Variants in NFKB1 observed in about 807,000 individuals in gnomAD.
The protein encoded by NFKB1 is nuclear factor kappa B subunit 1.
NFKB1 carries 9 observed loss-of-function variants against 105.1 expected under a neutral mutation model. That is an observed-to-expected ratio of 0.09 (90% CI 0.05 to 0.15). NFKB1 has a LOEUF of 0.15. NFKB1 is among the 10% of genes least tolerant of loss of function. The pLI, the probability that NFKB1 is intolerant of heterozygous loss-of-function variation, is 1.00. For synonymous variants in NFKB1, 440 were observed against 442.2 expected (o/e 1.00, Z 0.06); for missense variants, 830 against 1,203.7 (o/e 0.69, Z 4.59).
At chr4:102,598,421 A>G (rs1726828917) in intron 15 of NFKB1, among the ~76,000 whole-genome samples, 1 of 152,218 alleles carries the variant, frequency 6.6e-6, no homozygotes, top group African/African-American at 2.4e-5. Flanking sequence ...CAACATAGAG[A>G]AATCCTTTTC....
At chr4:102,585,737 G>A (rs535757502) in intron 11 of NFKB1, among the ~76,000 whole-genome samples, 2 of 152,166 alleles carry the variant, frequency 1.3e-5, no homozygotes, top group Non-Finnish European at 2.9e-5. Context: ...TTCTAAAGCA[G>A]CCTCCAAAAA....
intron 6 of NFKB1, among the ~76,000 whole-genome samples, chr4:102,571,509 T>G (rs1724354088): frequency 6.6e-6 from 1 of 152,082 alleles, no homozygotes; most frequent in Non-Finnish European, 1.5e-5. Flanking sequence ...AAAGAGCTTC[T>G]CCGCAGCAAA....
intron 5 of NFKB1, among the ~76,000 whole-genome samples, chr4:102,563,170 A>G (rs911958898): frequency 3.9e-5 from 6 of 152,194 alleles, no homozygotes; most frequent in African/African-American, 1.4e-4. Flanking sequence ...TCTGAGACCC[A>G]TGGTTTCTAC....
intron 5 of NFKB1, among the ~76,000 whole-genome samples, chr4:102,539,632 A>G (rs1051591485): frequency 3.9e-5 from 6 of 152,174 alleles, no homozygotes; most frequent in Non-Finnish European, 7.4e-5. Flanking sequence ...TGCACTTATT[A>G]AACACCAAAG....
chr4:102,557,161 C>G (rs1459733828), intron 5 of NFKB1: 1 of 152,124 alleles, frequency 6.6e-6, no homozygotes, highest in Non-Finnish European at 1.5e-5. Flanking sequence ...CTTCTACCTT[C>G]TCATTAAAGT....
chr4:102,584,600 G>T, intron 10 of NFKB1, 82 bp from the exon 11 acceptor site: 1 of 1,344,388 alleles, frequency 7.4e-7, no homozygotes, highest in South Asian at 1.7e-5. Flanking sequence ...AAAGCATAAG[G>T]AATGTGTTTA....
chr4:102,607,029 C>A, intron 17 of NFKB1, 121 bp from the exon 18 acceptor site: 1 of 968,988 alleles, frequency 1.0e-6, no homozygotes. Flanking sequence ...GAACAATAGA[C>A]TTATAGTATC....
chr4:102,607,102 G>A (rs762564394), intron 17 of NFKB1, 48 bp from the exon 18 acceptor site: 1 of 1,592,338 alleles, frequency 6.3e-7, no homozygotes, highest in East Asian at 2.2e-5. Flanking sequence ...GGGCCATCTT[G>A]TGAGTTAGCC....
chr4:102,538,284 T>C (rs976733955), intron 5 of NFKB1, among the ~76,000 whole-genome samples: 1 of 152,196 alleles, frequency 6.6e-6, no homozygotes, highest in African/African-American at 2.4e-5. Flanking sequence ...TTTGACTCTT[T>C]GGAGATTTAG....
intron 21 of NFKB1, 116 bp downstream of exon 21, chr4:102,612,226 A>G: frequency 9.6e-7 from 1 of 1,042,530 alleles, no homozygotes. Context: ...TCAGAACCAA[A>G]AGATGCTGGA....
intron 16 of NFKB1, among the ~76,000 whole-genome samples, chr4:102,605,943 A>G (rs1416113471): frequency 6.6e-6 from 1 of 152,218 alleles, no homozygotes; most frequent in Non-Finnish European, 1.5e-5. Flanking sequence ...AAATTTCTTC[A>G]GTGAAAACAT....
Position 102,616,554 on chromosome 4 carries a change from A to G in NFKB1, c.2870A>G (p.His957Arg), listed in dbSNP as rs201983448. ...ASLLTLNKMP[H>R]DYGQEGPLEG... Reference sequence around the variant, plus strand: ...CTGCTAACTCTCAACAAAATGCCCCATGATTATGGGCAGGAAGGACCTCTA... The same window carrying G: ...CTGCTAACTCTCAACAAAATGCCCCGTGATTATGGGCAGGAAGGACCTCTA... The change falls in exon 24 of 24, where the codon CAT (histidine) becomes CGT (arginine). Residue 957 changes from histidine (H) to arginine (R), a missense_variant. By Grantham distance (29) the His-to-Arg change is conservative (BLOSUM62 0). This residue lies in a region of NFKB1 where 418 missense variants were observed against 575.3 expected (regional missense o/e 0.73). Transcript: ENST00000226574. 6.8e-6 allele frequency: 11 copies of G among 1,614,004 alleles called. No individual in the cohort carries two copies. Among genetic ancestry groups the G allele is most frequent in the Non-Finnish European group, 8.5e-6 (10 of 1,180,038 alleles).
intron 4 of NFKB1, among the ~76,000 whole-genome samples, chr4:102,534,418 C>T (rs1741502362): frequency 3.3e-5 from 5 of 152,264 alleles, no homozygotes; most frequent in South Asian, 2.1e-4. Context: ...ATTCTCTTCC[C>T]TCTGGTGTCA....
chr4:102,518,975 G>A (rs1407772668), intron 1 of NFKB1, among the ~76,000 whole-genome samples: 2 of 152,110 alleles, frequency 1.3e-5, no homozygotes, highest in Admixed American at 6.6e-5. Context: ...GAGTATGTCC[G>A]TAGGTCTGCC....
At chr4:102,510,808 T>C in intron 1 of NFKB1, 1 of 357,182 alleles carries the variant, frequency 2.8e-6, no homozygotes, top group Non-Finnish European at 4.4e-6. Context: ...TCACTAATTA[T>C]AACTATATTT....
At chr4:102,608,625 G>T (rs920383094) in intron 19 of NFKB1, among the ~76,000 whole-genome samples, 2 of 150,232 alleles carry the variant, frequency 1.3e-5, no homozygotes, top group Non-Finnish European at 2.9e-5. Flanking sequence ...GGCATCTGAA[G>T]CCTGCCCTGA....
At chr4:102,515,828 A>G (rs1740140920) in intron 1 of NFKB1, among the ~76,000 whole-genome samples, 1 of 152,160 alleles carries the variant, frequency 6.6e-6, no homozygotes, top group Admixed American at 6.5e-5. Flanking sequence ...TTACTCACAT[A>G]TTTATCATTA....
intron 1 of NFKB1, among the ~76,000 whole-genome samples, chr4:102,502,390 G>GCGCGCACACACACA (rs1311577382): frequency 1.5e-3 from 154 of 105,394 alleles, no homozygotes; most frequent in African/African-American, 5.7e-3. Flanking sequence ...GCGCGCGCGC[G>GCGCGCACACACACA]CACACACACA....
At chr4:102,533,328 C>G (rs943275223) in intron 3 of NFKB1, among the ~76,000 whole-genome samples, 4 of 152,056 alleles carry the variant, frequency 2.6e-5, no homozygotes, top group Admixed American at 6.6e-5. Flanking sequence ...AAAGAGATAG[C>G]CTGAGATCAT....
Sources: allele counts gnomAD v4.1 joint callset (sites outside exome capture counted in the v4.1 genomes callset), GRCh38; gene constraint gnomAD v4.1.1; regional missense constraint gnomAD v4.1.1; transcripts MANE v1.5; gene names NCBI Gene and HGNC (gene_info 2026-07-23, HGNC 2026-07-21).